Variants in LMBR1 observed in about 807,000 individuals in gnomAD.
LMBR1 encodes the protein limb region 1 protein homolog.
LMBR1 carries 52 observed loss-of-function variants against 73.9 expected under a neutral mutation model. That is an observed-to-expected ratio of 0.70 (90% CI 0.56 to 0.89). LMBR1 has a LOEUF of 0.89. Ranked by LOEUF, LMBR1 falls within the 40% of genes least tolerant of loss-of-function variation. LMBR1 has a pLI of 0.00. For missense variants in LMBR1, 539 were observed against 579.8 expected, an observed-to-expected ratio of 0.93 and a Z score of 0.72; for synonymous variants, 215 against 209.4, an observed-to-expected ratio of 1.03 and a Z score of -0.23.
chr7:156,726,805 C>T (rs1815866105), intron 12 of LMBR1, among the ~76,000 whole-genome samples: 1 of 152,038 alleles, frequency 6.6e-6, no homozygotes, highest in Admixed American at 6.5e-5. Flanking sequence ...CCATAAGACC[C>T]CCATCCAAGG....
chr7:156,860,739 G>A (rs1414202153), intron 1 of LMBR1, among the ~76,000 whole-genome samples: 1 of 152,222 alleles, frequency 6.6e-6, no homozygotes, highest in East Asian at 1.9e-4. Flanking sequence ...TTCTAAATGG[G>A]AGAAACTGGA....
intron 1 of LMBR1, among the ~76,000 whole-genome samples, chr7:156,882,627 T>C (rs1801269472): frequency 6.6e-6 from 1 of 152,040 alleles, no homozygotes; most frequent in Admixed American, 6.6e-5. Context: ...GGGAAGGAAA[T>C]TGAAAGTTAC....
chr7:156,707,015 G>A lies in LMBR1; in HGVS notation c.1225+17097C>T, dbSNP rs116109183. Among the ~76,000 whole-genome samples, 506 of 151,610 alleles carry A rather than the reference G, an allele frequency of 3.3e-3. 6 individuals carry two copies. The highest frequency in any genetic ancestry group is 0.011 in the African/African-American group (470 of 41,400). Reference sequence around the variant, plus strand: ...CTAGAGTAACAAGGGAAAAAAAAGAGACAACACAAAGAAAATCAGAAATGA... The same window carrying A: ...CTAGAGTAACAAGGGAAAAAAAAGAAACAACACAAAGAAAATCAGAAATGA... On this transcript the variant is annotated intron_variant, in intron 15 of 16. Coordinates refer to ENST00000353442, the MANE Select transcript of LMBR1 (RefSeq NM_022458.4).
At chr7:156,674,514 G>C (rs1055893535), downstream of LMBR1, among the ~76,000 whole-genome samples, 1 of 152,300 alleles carries the variant, frequency 6.6e-6, no homozygotes, top group South Asian at 2.1e-4. Context: ...GTGTGGCCCT[G>C]AATGAGCCAC....
chr7:156,889,603 G>C (rs1389488718), intron 1 of LMBR1, among the ~76,000 whole-genome samples: 1 of 152,144 alleles, frequency 6.6e-6, no homozygotes. Context: ...AGGGGTACTG[G>C]GTTGAGGGAA....
intron 9 of LMBR1, among the ~76,000 whole-genome samples, chr7:156,734,544 A>G (rs1817490487): frequency 6.6e-6 from 1 of 152,164 alleles, no homozygotes; most frequent in African/African-American, 2.4e-5. Context: ...ATTGGGTACA[A>G]CGTATGCTAC....
chr7:156,843,911 G>A (rs376766985), intron 1 of LMBR1, among the ~76,000 whole-genome samples: 4 of 151,658 alleles, frequency 2.6e-5, no homozygotes, highest in African/African-American at 9.7e-5. Context: ...TGAAAATGGA[G>A]AAAAGGAAAA....
intron 10 of LMBR1, 162 bp downstream of exon 10, chr7:156,734,015 A>T: frequency 2.1e-6 from 1 of 478,176 alleles, no homozygotes; most frequent in Non-Finnish European, 3.8e-6. Flanking sequence ...ATGTAAACTT[A>T]TCCTCTCCCC....
At chr7:156,744,381 T>C (rs1432378696) in intron 9 of LMBR1, among the ~76,000 whole-genome samples, 1 of 142,696 alleles carries the variant, frequency 7.0e-6, no homozygotes, top group Non-Finnish European at 1.6e-5. Flanking sequence ...TTCAGGAATC[T>C]TACAAACTAA....
At chr7:156,711,081 T>C (rs997026575) in intron 15 of LMBR1, among the ~76,000 whole-genome samples, 4 of 152,060 alleles carry the variant, frequency 2.6e-5, no homozygotes, top group Non-Finnish European at 5.9e-5. Flanking sequence ...GAGGCCAAGG[T>C]GGGCAGATCA....
At chr7:156,863,227 A>G (rs1281021714) in intron 1 of LMBR1, among the ~76,000 whole-genome samples, 2 of 152,040 alleles carry the variant, frequency 1.3e-5, no homozygotes, top group Non-Finnish European at 2.9e-5. Context: ...GAGCAAGGAG[A>G]GCCAGTCTGA....
chr7:156,798,421 T>C (rs77360533), intron 4 of LMBR1, among the ~76,000 whole-genome samples: 4,838 of 152,298 alleles, frequency 0.032, 124 homozygotes, highest in South Asian at 0.084. Flanking sequence ...TCCTGGTTTT[T>C]GTTACTAGAA....
chr7:156,888,071 AAT>A (rs1481480577), intron 1 of LMBR1, among the ~76,000 whole-genome samples: 1 of 152,200 alleles, frequency 6.6e-6, no homozygotes, highest in Non-Finnish European at 1.5e-5. Flanking sequence ...GGGAATATAA[AAT>A]GGTACAGCCT....
At chr7:156,863,971 G>C (rs753501264) in intron 1 of LMBR1, among the ~76,000 whole-genome samples, 22 of 151,912 alleles carry the variant, frequency 1.4e-4, no homozygotes, top group Non-Finnish European at 1.8e-4. Context: ...CCAACACGGT[G>C]AAACCTCATC....
At chr7:156,890,769 C>T (rs1436419924) in intron 1 of LMBR1, among the ~76,000 whole-genome samples, 1 of 152,210 alleles carries the variant, frequency 6.6e-6, no homozygotes, top group East Asian at 1.9e-4. Context: ...GGTACAACCA[C>T]TTTGGAAAAT....
At chr7:156,870,784 T>C (rs1447305082) in intron 1 of LMBR1, among the ~76,000 whole-genome samples, 1 of 144,700 alleles carries the variant, frequency 6.9e-6, no homozygotes, top group African/African-American at 2.6e-5. Flanking sequence ...TCAAGACAAA[T>C]AACAAAAACA....
rs1804900042 is a variant in LMBR1, at chr7:156,680,835, G to A, written c.*3243C>T. ...AATATTTAAGATGGAAAAAACAAAA[G>A]AACAAATAAACCCCACATATAAATG... On this transcript the variant is annotated 3_prime_UTR_variant, in exon 17 of 17. Coordinates refer to ENST00000353442, the MANE Select transcript of LMBR1 (RefSeq NM_022458.4). The A allele has an allele frequency of 1.0e-5, 2 of 198,446 alleles. No individual in the cohort carries two copies. The highest frequency in any genetic ancestry group is 1.0e-5 in the Non-Finnish European group (1 of 98,828). 12.3% of individuals were successfully genotyped at this position (198,446 alleles called of 1,614,324 possible).
intron 3 of LMBR1, 82 bp from the exon 4 acceptor site, chr7:156,826,826 T>G: frequency 7.8e-7 from 1 of 1,282,886 alleles, no homozygotes; most frequent in Non-Finnish European, 1.1e-6. Flanking sequence ...GCAAACTCTT[T>G]AATGTTTTAA....
intron 15 of LMBR1, among the ~76,000 whole-genome samples, chr7:156,711,192 C>T (rs1477224462): frequency 6.6e-6 from 1 of 152,082 alleles, no homozygotes; most frequent in Admixed American, 6.6e-5. Flanking sequence ...CACCTGTGGT[C>T]CCAGCTACTT....
Sources: allele counts gnomAD v4.1 joint callset (sites outside exome capture counted in the v4.1 genomes callset), GRCh38; gene constraint gnomAD v4.1.1; transcripts MANE v1.5; gene names NCBI Gene and HGNC (gene_info 2026-07-23, HGNC 2026-07-21).